CMC1: variants seen among roughly 807,000 people sequenced by gnomAD.
The protein encoded by CMC1 is COX assembly mitochondrial protein homolog.
Under a neutral mutation model 14.1 loss-of-function variants are expected in CMC1, and 14 were observed. The ratio of observed to expected loss-of-function variants is 0.99; its 90% CI spans 0.66 to 1.55. The LOEUF is 1.55. Ranked by LOEUF, CMC1 falls within the 40% of genes most tolerant of loss-of-function variation. The pLI, the probability that CMC1 is intolerant of heterozygous loss-of-function variation, is 0.00. For missense variants in CMC1, 127 were observed against 123.8 expected, an observed-to-expected ratio of 1.03 and a Z score of -0.12; for synonymous variants, 50 against 38.4, an observed-to-expected ratio of 1.30 and a Z score of -1.12.
rs1703248245 is a variant in CMC1, at chr3:28,323,300, T to C, written c.*3671T>C. The C allele has an allele frequency of 6.6e-6, 1 of 151,256 alleles. No individual in the cohort carries two copies. The highest frequency in any genetic ancestry group is 2.4e-5 in the African/African-American group (1 of 41,272). The allele number at this position is 151,256 out of a possible 1,614,324, so 9.4% of individuals were successfully genotyped here. A position where few individuals can be genotyped will look rare whatever the true frequency, so the allele number is the denominator to read the frequency against. On this transcript the variant is annotated 3_prime_UTR_variant, in exon 4 of 4. Transcript: ENST00000466830. ...GATGCTCCTTCTACTACTTATTGAA[T>C]AGTGTGTAGGGTTACAATCATTTGT...
At chr3:28,278,903 C>G (rs1700726628) in intron 2 of CMC1, among the ~76,000 whole-genome samples, 1 of 152,142 alleles carries the variant, frequency 6.6e-6, no homozygotes, top group Non-Finnish European at 1.5e-5. Flanking sequence ...GGCTGTCTAG[C>G]ACATTGTGAA....
intron 2 of CMC1, among the ~76,000 whole-genome samples, chr3:28,284,167 T>C (rs1701050279): frequency 1.3e-5 from 2 of 152,180 alleles, no homozygotes; most frequent in South Asian, 4.1e-4. Flanking sequence ...TTGAGCATAT[T>C]GAGGAGCTCT....
chr3:28,301,584 C>T (rs1361440545), intron 2 of CMC1, among the ~76,000 whole-genome samples: 1 of 151,004 alleles, frequency 6.6e-6, no homozygotes, highest in Non-Finnish European at 1.5e-5. Flanking sequence ...ATGAAAAATT[C>T]TACTGCGATC....
intron 1 of CMC1, among the ~76,000 whole-genome samples, chr3:28,262,704 A>T (rs1230448375): frequency 6.6e-6 from 1 of 151,638 alleles, no homozygotes; most frequent in Admixed American, 6.6e-5. Flanking sequence ...ATTTTTCAGG[A>T]CTCTCTTAGC....
intron 2 of CMC1, among the ~76,000 whole-genome samples, chr3:28,302,890 T>G (rs1702125917): frequency 6.6e-6 from 1 of 152,172 alleles, no homozygotes; most frequent in Non-Finnish European, 1.5e-5. Flanking sequence ...TGCGTGGGCA[T>G]GGAAATTTCT....
intron 2 of CMC1, among the ~76,000 whole-genome samples, chr3:28,265,800 A>G (rs944548923): frequency 3.3e-5 from 5 of 152,186 alleles, no homozygotes; most frequent in South Asian, 2.1e-4. Flanking sequence ...TACACTTCCT[A>G]TTAACAAGGA....
rs1296415277 is a variant in CMC1 at position 28,274,217 on chromosome 3, T to TTTTG, written c.109+10839_109+10840insTGTT. Among the ~76,000 whole-genome samples the TTTTG allele has an allele frequency of 8.9e-4, 116 of 130,142 alleles. 5 individuals carry two copies. The highest frequency in any genetic ancestry group is 3.8e-3 in the Middle Eastern group (1 of 262). The allele number at this position is 130,142 out of a possible 152,430, so 85.4% of individuals were successfully genotyped here. ...CTTTGTACTAAAGTGTTTTTGTTTT[T>TTTTG]TTCTTTTTTTTTTTTTTTGCAGTGG... On this transcript the variant is annotated intron_variant, in intron 2 of 3. Transcript: ENST00000466830.
intron 2 of CMC1, among the ~76,000 whole-genome samples, chr3:28,281,899 A>G (rs1700914155): frequency 6.6e-6 from 1 of 152,144 alleles, no homozygotes; most frequent in Admixed American, 6.6e-5. Flanking sequence ...TTGTTGATAC[A>G]GCAGCAAAGA....
At chr3:28,281,614 T>C (rs1700896554) in intron 2 of CMC1, among the ~76,000 whole-genome samples, 1 of 152,212 alleles carries the variant, frequency 6.6e-6, no homozygotes. Flanking sequence ...AGACTTGCTT[T>C]TGAGTACCTT....
At position 28,298,938 on chromosome 3, in the gene CMC1, G is replaced by A. The variant is rs1022902581; in HGVS notation, c.110-17395G>A. ...GAAAGAGTATGATGTAAAAGGAGCT[G>A]TTTCTTTACCTACCTTACAAATATC... is the stretch of plus-strand genomic sequence containing the variant. On this transcript the variant is annotated intron_variant, in intron 2 of 3. Transcript: ENST00000466830. Among the ~76,000 whole-genome samples, 4 of 152,062 alleles carry A rather than the reference G, an allele frequency of 2.6e-5. No individual in the cohort carries two copies. In the South Asian group the frequency reaches 8.3e-4, roughly 32 times the overall value.
At chr3:28,296,426 C>T (rs535132649) in intron 2 of CMC1, among the ~76,000 whole-genome samples, 35 of 152,170 alleles carry the variant, frequency 2.3e-4, no homozygotes, top group African/African-American at 8.4e-4. Flanking sequence ...CTGAATTATT[C>T]ATTTCCATAA....
At chr3:28,309,380 T>C (rs750703535) in intron 2 of CMC1, among the ~76,000 whole-genome samples, 1 of 152,138 alleles carries the variant, frequency 6.6e-6, no homozygotes, top group Non-Finnish European at 1.5e-5. Context: ...GTGTGTGTTA[T>C]GTAAAACAGT....
chr3:28,275,569 C>A (rs943443931), intron 2 of CMC1, among the ~76,000 whole-genome samples: 2 of 151,886 alleles, frequency 1.3e-5, no homozygotes, highest in African/African-American at 4.8e-5. Flanking sequence ...GGCAACCCCC[C>A]GATTGGGTCT....
At chr3:28,302,032 T>A (rs1022096281) in intron 2 of CMC1, among the ~76,000 whole-genome samples, 7 of 152,178 alleles carry the variant, frequency 4.6e-5, no homozygotes, top group African/African-American at 1.7e-4. Flanking sequence ...AAGTGACCTC[T>A]AAAGGCCTTC....
At chr3:28,289,345 G>A (rs1423589722) in intron 2 of CMC1, among the ~76,000 whole-genome samples, 1 of 151,868 alleles carries the variant, frequency 6.6e-6, no homozygotes, top group Non-Finnish European at 1.5e-5. Flanking sequence ...ATTGGGGAAG[G>A]AATAGTCTGT....
chr3:28,306,423 T>TTG (rs147553258), intron 2 of CMC1, among the ~76,000 whole-genome samples: 8 of 151,508 alleles, frequency 5.3e-5, no homozygotes, highest in African/African-American at 1.5e-4. Flanking sequence ...ACCTAGGTAT[T>TTG]TGTGTGTGTG....
chr3:28,303,607 A>G (rs567325604), intron 2 of CMC1, among the ~76,000 whole-genome samples: 204 of 152,272 alleles, frequency 1.3e-3, no homozygotes, highest in Non-Finnish European at 2.0e-3. Flanking sequence ...ATCTTTGTCA[A>G]AGAAGTTAGA....
chr3:28,254,056 A>G (rs1237351270), intron 1 of CMC1, among the ~76,000 whole-genome samples: 6 of 152,222 alleles, frequency 3.9e-5, no homozygotes, highest in Non-Finnish European at 8.8e-5. Context: ...AAAGGTGAAA[A>G]TTGACTTCCA....
intron 2 of CMC1, among the ~76,000 whole-genome samples, chr3:28,299,744 T>G (rs754211473): frequency 2.0e-5 from 3 of 152,114 alleles, no homozygotes; most frequent in Non-Finnish European, 4.4e-5. Context: ...AAAAAACTCT[T>G]AGTTTACTTT....
Sources: allele counts gnomAD v4.1 joint callset (sites outside exome capture counted in the v4.1 genomes callset), GRCh38; gene constraint gnomAD v4.1.1; transcripts MANE v1.5; gene names NCBI Gene and HGNC (gene_info 2026-07-23, HGNC 2026-07-21).